PM20D2: variants seen among roughly 807,000 people sequenced by gnomAD.
PM20D2 encodes xaa-Arg dipeptidase.
In PM20D2, 33 loss-of-function variants were observed where a neutral mutation model predicts 42.9. That is an observed-to-expected ratio of 0.77 (90% CI 0.58 to 1.03). PM20D2 has a LOEUF of 1.03. PM20D2 is among the 50% of genes least tolerant of loss of function. PM20D2 has a pLI of 0.00. For synonymous variants in PM20D2, 250 were observed against 228.2 expected (o/e 1.10, Z -0.86); for missense variants, 548 against 557.0 (o/e 0.98, Z 0.16).
chr6:89,115,631 C>CTTT, the PM20D2 span, among the ~76,000 whole-genome samples: 26 of 128,990 alleles, frequency 2.0e-4, no homozygotes, highest in East Asian at 4.4e-4. Flanking sequence ...TTTTTTCTTT[C>CTTT]TTTTTTTTTT....
chr6:89,146,485 A>G lies in PM20D2; in HGVS notation c.341A>G (p.Tyr114Cys), dbSNP rs1429398115. The change falls in exon 1 of 7, where the codon TAC (tyrosine) becomes TGC (cysteine). Residue 114 changes from tyrosine to cysteine, a missense_variant. Coordinates refer to ENST00000275072, the MANE Select transcript of PM20D2 (RefSeq NM_001010853.3). ...CTGCACCTGGGCTTCCTCTGCGAGT[A>G]CGACGCGCTGCCCGGCATCGGCCAC... ...RPLHLGFLCE[Y>C]DALPGIGHAC... is the part of the protein sequence containing the mutation. The G allele has an allele frequency of 4.6e-6, 7 of 1,523,860 alleles. No homozygotes were observed. The highest frequency in any genetic ancestry group is 6.1e-6 in the Non-Finnish European group (7 of 1,143,022). The allele number at this position is 1,523,860 out of a possible 1,614,324, so 94.4% of individuals were successfully genotyped here. A position where few individuals can be genotyped will look rare whatever the true frequency, so the allele number is the denominator to read the frequency against.
chr6:89,123,410 A>G, the PM20D2 span, among the ~76,000 whole-genome samples: 1 of 152,304 alleles, frequency 6.6e-6, no homozygotes, highest in South Asian at 2.1e-4. Flanking sequence ...CACCAATATT[A>G]ATTTTTAAAG....
the PM20D2 span, among the ~76,000 whole-genome samples, chr6:89,103,018 CCTCCCAGAGTG>C: frequency 6.6e-6 from 1 of 152,182 alleles, no homozygotes; most frequent in East Asian, 1.9e-4. Context: ...CTCACCCTGG[CCTCCCAGAGTG>C]CTGGGATCAC....
intron 5 of PM20D2, among the ~76,000 whole-genome samples, chr6:89,161,194 G>A (rs1487203754): frequency 6.6e-6 from 1 of 152,164 alleles, no homozygotes; most frequent in Non-Finnish European, 1.5e-5. Flanking sequence ...CTTTAGATAT[G>A]TTAAGTTTGA....
At chr6:89,120,897 A>T in the PM20D2 span, among the ~76,000 whole-genome samples, 3 of 152,170 alleles carry the variant, frequency 2.0e-5, no homozygotes. Flanking sequence ...AAATAAATTT[A>T]TCTGTATGTT....
rs528951527 is a variant in PM20D2 at position 89,164,212 on chromosome 6, A to G, written c.*1949A>G. 2 of 152,330 alleles carry G rather than the reference A, an allele frequency of 1.3e-5. No individual in the cohort carries two copies. The highest frequency in any genetic ancestry group is 3.9e-4 in the East Asian group (2 of 5,190). The allele number at this position is 152,330 out of a possible 1,614,324, so 9.4% of individuals were successfully genotyped here. A position where few individuals can be genotyped will look rare whatever the true frequency, so the allele number is the denominator to read the frequency against. ...TTTATGTTTATGAATACTTGTATAA[A>G]CTTAAAAGTGTTTTGATTTCCCACA... On this transcript the variant is annotated 3_prime_UTR_variant, in exon 7 of 7. Coordinates refer to ENST00000275072, the MANE Select transcript of PM20D2 (RefSeq NM_001010853.3).
rs893168486 is a variant in PM20D2, at chr6:89,149,197, G to A, written c.466-68G>A. 2.6e-6 allele frequency: 4 copies of A among 1,544,342 alleles called. No homozygotes were observed. The South Asian group carries it at 4.8e-5, about 19-fold the overall frequency. On this transcript the variant is annotated intron_variant, in intron 1 of 6. Transcript: ENST00000275072. Reference sequence around the variant, plus strand: ...ATGTAGATTGTGAATACATATGCAGGTGAACCTGTTTGATATATTCCTATG... The same window carrying A: ...ATGTAGATTGTGAATACATATGCAGATGAACCTGTTTGATATATTCCTATG...
chr6:89,094,729 G>A, the PM20D2 span, among the ~76,000 whole-genome samples: 1 of 150,032 alleles, frequency 6.7e-6, no homozygotes, highest in African/African-American at 2.4e-5. Flanking sequence ...AAAAATGAAA[G>A]AAGAAATTGA....
At chr6:89,103,224 A>G in the PM20D2 span, among the ~76,000 whole-genome samples, 1 of 152,182 alleles carries the variant, frequency 6.6e-6, no homozygotes, top group Non-Finnish European at 1.5e-5. Flanking sequence ...CTTTACTTCC[A>G]CTAGAAGGCA....
the PM20D2 span, chr6:89,096,082 CCCAG>C: frequency 6.6e-6 from 1 of 152,164 alleles, no homozygotes; most frequent in Non-Finnish European, 1.5e-5. Context: ...TTCCAGGATA[CCCAG>C]CCAAACAATT....
At chr6:89,116,447 T>C in the PM20D2 span, among the ~76,000 whole-genome samples, 1 of 152,184 alleles carries the variant, frequency 6.6e-6, no homozygotes, top group Non-Finnish European at 1.5e-5. Flanking sequence ...AACCACAACA[T>C]ATAGTTGTGA....
chr6:89,129,455 A>G, the PM20D2 span, among the ~76,000 whole-genome samples: 1 of 152,164 alleles, frequency 6.6e-6, no homozygotes, highest in African/African-American at 2.4e-5. Flanking sequence ...CTGCTTTCCA[A>G]CCCAGCCTGG....
the PM20D2 span, among the ~76,000 whole-genome samples, chr6:89,132,311 GT>G: frequency 6.9e-6 from 1 of 144,828 alleles, no homozygotes; most frequent in African/African-American, 2.9e-5. Flanking sequence ...CAAACTTCCT[GT>G]GCTGCCAAGC....
At chr6:89,117,149 G>A in the PM20D2 span, among the ~76,000 whole-genome samples, 129 of 152,200 alleles carry the variant, frequency 8.5e-4, 1 homozygote, top group African/African-American at 2.8e-3. Context: ...CGGAGGGGTG[G>A]GGCATCAGAA....
At position 89,164,903 on chromosome 6, in the gene PM20D2, T is replaced by G. The variant is rs999510769; in HGVS notation, c.*2640T>G. ...AGACCCTTTGTTATCCAAATAAAAT[T>G]GATGAGTTTCTGTGCCTGTAAAAAA... On this transcript the variant is annotated 3_prime_UTR_variant, in exon 7 of 7. Coordinates refer to ENST00000275072, the MANE Select transcript of PM20D2 (RefSeq NM_001010853.3). 9 of 146,106 alleles carry G rather than the reference T, an allele frequency of 6.2e-5. No individual in the cohort carries two copies. Among genetic ancestry groups the G allele is most frequent in the African/African-American group, 1.8e-4 (7 of 39,168 alleles). The allele number at this position is 146,106 out of a possible 1,614,324, so 9.1% of individuals were successfully genotyped here.
the PM20D2 span, chr6:89,098,300 G>T: frequency 3.5e-6 from 1 of 285,946 alleles, no homozygotes. Flanking sequence ...ATTAGTTCCA[G>T]TTTACTCATT....
At chr6:89,114,711 C>T in the PM20D2 span, among the ~76,000 whole-genome samples, 1 of 152,154 alleles carries the variant, frequency 6.6e-6, no homozygotes, top group African/African-American at 2.4e-5. Flanking sequence ...TCAGGTGTCA[C>T]CTGCAGATGT....
chr6:89,156,591 C>T (rs946537520), intron 4 of PM20D2, among the ~76,000 whole-genome samples: 2 of 152,212 alleles, frequency 1.3e-5, no homozygotes, highest in South Asian at 4.1e-4. Flanking sequence ...GCATATGTTA[C>T]GTGTCCTGAG....
intron 2 of PM20D2, among the ~76,000 whole-genome samples, chr6:89,151,802 G>A (rs1047343127): frequency 6.6e-5 from 10 of 151,948 alleles, no homozygotes; most frequent in Non-Finnish European, 1.0e-4. Flanking sequence ...TGAAATTCCG[G>A]TTTTGCCAGG....
Sources: allele counts gnomAD v4.1 joint callset (sites outside exome capture counted in the v4.1 genomes callset), GRCh38; gene constraint gnomAD v4.1.1; transcripts MANE v1.5; gene names NCBI Gene and HGNC (gene_info 2026-07-23, HGNC 2026-07-21).